RPH3AL: variants seen among roughly 807,000 people sequenced by gnomAD.
RPH3AL encodes the protein rabphilin 3A like (without C2 domains).
Under a neutral mutation model 43.1 loss-of-function variants are expected in RPH3AL, and 38 were observed. The ratio of observed to expected loss-of-function variants is 0.88; its 90% CI spans 0.68 to 1.15. The LOEUF is 1.15. Among genes scored for constraint, RPH3AL ranks in the 50% most tolerant of loss-of-function variants. The pLI is 0.00. For synonymous variants in RPH3AL, 189 were observed against 176.3 expected (o/e 1.07, Z -0.57); for missense variants, 462 against 423.2 (o/e 1.09, Z -0.81).
intron 5 of RPH3AL, among the ~76,000 whole-genome samples, chr17:310,103 G>A (rs2043606400): frequency 6.6e-6 from 1 of 152,030 alleles, no homozygotes; most frequent in African/African-American, 2.4e-5. Context: ...GCTCAGGCGG[G>A]CTCTGCTGTG....
intron 1 of RPH3AL, chr17:349,459 T>C (rs11150876): frequency 0.37 from 56,778 of 151,902 alleles, 11,205 homozygotes; most frequent in East Asian, 0.75. Flanking sequence ...GCCCAGAAAT[T>C]ACCAGCTCAA....
intron 5 of RPH3AL, among the ~76,000 whole-genome samples, chr17:303,800 C>T (rs1482666760): frequency 2.3e-4 from 7 of 30,116 alleles, no homozygotes; most frequent in Non-Finnish European, 3.4e-4. Context: ...GAGCAGTGAC[C>T]GTGTCTCAGG....
rs1290541219 is a variant in RPH3AL at position 323,523 on chromosome 17, G to A, written c.78-2108C>T. ...AGCATTTCGGAGGCTCCAGGGGTCA[G>A]TGATGGGCCAGGACACACTTCGTGT... On this transcript the variant is annotated intron_variant, in intron 3 of 9. Coordinates refer to ENST00000331302, the MANE Select transcript of RPH3AL (RefSeq NM_006987.4). The surrounding 1 kb of genome is among the most constrained non-coding windows in gnomAD (Gnocchi z 4.4). 4.6e-5 allele frequency among the ~76,000 whole-genome samples: 7 copies of A among 152,360 alleles called. No individual in the cohort carries two copies. The East Asian group carries it at 9.6e-4, about 21-fold the overall frequency.
rs71283539 is a variant in RPH3AL, at chr17:315,410, C to T, written c.351+4010G>A. On this transcript the variant is annotated intron_variant, in intron 5 of 9. Transcript: ENST00000331302. ...CCTCCATTGACCTGTAGTCCCTGTG[C>T]CCCCACCTCCATTGACCTGTAGTCC... Among the ~76,000 whole-genome samples the T allele has an allele frequency of 3.5e-3, 14 of 4,028 alleles. No individual in the cohort carries two copies. The East Asian group carries it at 0.043, about 12-fold the overall frequency. 2.6% of individuals were successfully genotyped at this position (4,028 alleles called of 152,430 possible). A position where few individuals can be genotyped will look rare whatever the true frequency, so the allele number is the denominator to read the frequency against.
At chr17:313,211 T>C (rs1442102845) in intron 5 of RPH3AL, among the ~76,000 whole-genome samples, 1 of 152,194 alleles carries the variant, frequency 6.6e-6, no homozygotes, top group African/African-American at 2.4e-5. Flanking sequence ...CTACGTTGCC[T>C]GTCTCCATCC....
At chr17:262,362 C>T (rs1042781900) in intron 6 of RPH3AL, among the ~76,000 whole-genome samples, 1 of 152,078 alleles carries the variant, frequency 6.6e-6, no homozygotes, top group East Asian at 1.9e-4. Context: ...ATTACAGGCA[C>T]CCGCCACCAG....
chr17:271,881 C>A (rs1318432550), intron 6 of RPH3AL, among the ~76,000 whole-genome samples: 1 of 152,130 alleles, frequency 6.6e-6, no homozygotes, highest in Non-Finnish European at 1.5e-5. Flanking sequence ...TATCCAGAAT[C>A]TACAAAGAAC....
intron 6 of RPH3AL, among the ~76,000 whole-genome samples, chr17:272,911 TGAGATCCCAGCAAGGGCGACATCAGGGA>T (rs2042510003): frequency 2.7e-5 from 4 of 148,976 alleles, no homozygotes; most frequent in Admixed American, 2.7e-4. Flanking sequence ...AGTGGCGACG[TGAGATCCCAGCAAGGGCGACATCAGGGA>T]GAGACCCCAG....
chr17:251,213 T>C (rs1390651121), intron 6 of RPH3AL, among the ~76,000 whole-genome samples: 1 of 152,198 alleles, frequency 6.6e-6, no homozygotes, highest in Non-Finnish European at 1.5e-5. Context: ...GGAACCTGTC[T>C]GGTGGGATGG....
intron 7 of RPH3AL, among the ~76,000 whole-genome samples, chr17:244,291 T>C (rs551185592): frequency 6.6e-6 from 1 of 152,226 alleles, no homozygotes; most frequent in African/African-American, 2.4e-5. Context: ...CCTTCCTCTA[T>C]TGATTACCCT....
At chr17:301,604 AT>A (rs201173718) in intron 5 of RPH3AL, among the ~76,000 whole-genome samples, 1 of 151,776 alleles carries the variant, frequency 6.6e-6, no homozygotes, top group African/African-American at 2.4e-5. Context: ...GGCCCACCTA[AT>A]TTTTTTCATT....
chr17:228,002 G>C (rs752815868), intron 7 of RPH3AL, among the ~76,000 whole-genome samples: 20 of 152,168 alleles, frequency 1.3e-4, no homozygotes, highest in Non-Finnish European at 2.5e-4. Flanking sequence ...GTCTGTCCCT[G>C]CTGGGACAGG....
At chr17:316,470 T>C (rs1356968776) in intron 5 of RPH3AL, among the ~76,000 whole-genome samples, 21 of 148,060 alleles carry the variant, frequency 1.4e-4, no homozygotes, top group African/African-American at 5.4e-4. Flanking sequence ...TGACCTGTAG[T>C]CTCTGTGCCC....
chr17:301,681 C>T (rs2043332054), intron 5 of RPH3AL, among the ~76,000 whole-genome samples: 1 of 152,108 alleles, frequency 6.6e-6, no homozygotes, highest in South Asian at 2.1e-4. Context: ...TCCAGTGATC[C>T]TCCTACCTCG....
At chr17:321,985 C>T (rs1432424606) in intron 3 of RPH3AL, among the ~76,000 whole-genome samples, 1 of 152,172 alleles carries the variant, frequency 6.6e-6, no homozygotes, top group Non-Finnish European at 1.5e-5. Context: ...GGTAGTGAGA[C>T]GGAGTTCACC....
intron 8 of RPH3AL, among the ~76,000 whole-genome samples, chr17:216,879 G>T (rs561049175): frequency 5.9e-5 from 9 of 152,078 alleles, no homozygotes; most frequent in Non-Finnish European, 1.3e-4. Flanking sequence ...GGGGGGTGGT[G>T]GTACGTGTGT....
At position 272,956 on chromosome 17, in the gene RPH3AL, CTACGTCAGGGTGAGACCCCAGCAAG is replaced by C. The variant is rs1567604306; in HGVS notation, c.438+8787_438+8811del. Among the ~76,000 whole-genome samples the C allele has an allele frequency of 1.2e-4, 4 of 34,448 alleles. No homozygotes were observed. In the Admixed American group the frequency reaches 1.4e-3, roughly 12 times the overall value. The allele number at this position is 34,448 out of a possible 152,430, so 22.6% of individuals were successfully genotyped here. A position where few individuals can be genotyped will look rare whatever the true frequency, so the allele number is the denominator to read the frequency against. On this transcript the variant is annotated intron_variant, in intron 6 of 9. Coordinates refer to ENST00000331302, the MANE Select transcript of RPH3AL (RefSeq NM_006987.4). ...CATCAGGGAGAGACCCCAGCAAGGG[CTACGTCAGGGTGAGACCCCAGCAAG>C]GGCTACGTCAGGGTGAGACCCCAGC...
At chr17:301,601 C>G (rs2043330057) in intron 5 of RPH3AL, among the ~76,000 whole-genome samples, 1 of 151,420 alleles carries the variant, frequency 6.6e-6, no homozygotes, top group African/African-American at 2.4e-5. Context: ...CCAGGCCCAC[C>G]TAATTTTTTT....
intron 7 of RPH3AL, among the ~76,000 whole-genome samples, chr17:239,634 G>GT (rs576967367): frequency 1.1e-3 from 164 of 151,950 alleles, no homozygotes; most frequent in African/African-American, 3.6e-3. Context: ...GTTTTGTTTT[G>GT]TTTTTTTGAG....
Sources: allele counts gnomAD v4.1 joint callset (sites outside exome capture counted in the v4.1 genomes callset), GRCh38; gene constraint gnomAD v4.1.1; non-coding constraint Gnocchi (gnomAD v3.1); transcripts MANE v1.5; gene names NCBI Gene and HGNC (gene_info 2026-07-23, HGNC 2026-07-21).